The following ITGA1 variants were observed in gnomAD, a reference collection of about 807,000 sequenced individuals.
ITGA1 encodes the protein integrin alpha-1.
A neutral mutation model predicts 145.9 loss-of-function variants in ITGA1; 85 were observed. The ratio of observed to expected loss-of-function variants is 0.58; its 90% CI spans 0.49 to 0.70. The LOEUF (loss-of-function observed/expected upper bound fraction) is 0.70. Ranked by LOEUF, ITGA1 falls within the 30% of genes least tolerant of loss-of-function variation. The pLI, the probability that ITGA1 is intolerant of heterozygous loss-of-function variation, is 0.00. For synonymous variants in ITGA1, 520 were observed against 495.3 expected (o/e 1.05, Z -0.66); for missense variants, 1,351 against 1,418.7 (o/e 0.95, Z 0.77).
intron 6 of ITGA1, among the ~76,000 whole-genome samples, chr5:52,872,826 G>A (rs965670203): frequency 6.6e-6 from 1 of 151,944 alleles, no homozygotes; most frequent in Non-Finnish European, 1.5e-5. Flanking sequence ...CACTTTCTCT[G>A]TAATTTTCTA....
At chr5:52,907,030 A>G (rs1750420705) in intron 12 of ITGA1, among the ~76,000 whole-genome samples, 1 of 152,222 alleles carries the variant, frequency 6.6e-6, no homozygotes, top group Non-Finnish European at 1.5e-5. Flanking sequence ...CATCTTCATC[A>G]GGTACTTATA....
intron 2 of ITGA1, among the ~76,000 whole-genome samples, chr5:52,853,111 G>A (rs530588580): frequency 2.4e-4 from 37 of 152,216 alleles, no homozygotes; most frequent in African/African-American, 7.2e-4. Context: ...TAAATCTCAC[G>A]TTGACATTTA....
chr5:52,808,637 C>CTATGGTATAA (rs766317415), intron 1 of ITGA1, among the ~76,000 whole-genome samples: 114 of 138,068 alleles, frequency 8.3e-4, no homozygotes, highest in Non-Finnish European at 1.2e-3. Context: ...GTGTTGTTGA[C>CTATGGTATAA]TATGGTATAA....
chr5:52,836,059 C>T (rs771412423), intron 1 of ITGA1, among the ~76,000 whole-genome samples: 22 of 152,228 alleles, frequency 1.4e-4, no homozygotes, highest in Non-Finnish European at 1.8e-4. Context: ...CTAAATTGGG[C>T]GATGACCTAT....
chr5:52,890,947 A>G (rs1750137133), intron 8 of ITGA1, among the ~76,000 whole-genome samples: 1 of 152,162 alleles, frequency 6.6e-6, no homozygotes, highest in South Asian at 2.1e-4. Context: ...CCACATTTTC[A>G]GCTCACACAT....
At chr5:52,829,649 A>G (rs1391225083) in intron 1 of ITGA1, among the ~76,000 whole-genome samples, 1 of 152,150 alleles carries the variant, frequency 6.6e-6, no homozygotes, top group Non-Finnish European at 1.5e-5. Flanking sequence ...GAGGAAGCTA[A>G]TGAAAACAGT....
chr5:52,833,461 C>T (rs1420077411), intron 1 of ITGA1, among the ~76,000 whole-genome samples: 1 of 152,134 alleles, frequency 6.6e-6, no homozygotes, highest in African/African-American at 2.4e-5. Context: ...TTCCATAAAA[C>T]ATTATGACAA....
At chr5:52,801,260 G>A in intron 1 of ITGA1, 1 of 1,151,060 alleles carries the variant, frequency 8.7e-7, no homozygotes, top group South Asian at 1.6e-5. Context: ...GAAATAAAAA[G>A]AGAATGTTAA....
chr5:52,800,503 G>C, intron 1 of ITGA1: 1 of 1,614,086 alleles, frequency 6.2e-7, no homozygotes, highest in Non-Finnish European at 8.5e-7. Context: ...GCAGGTGGGC[G>C]ACAGCCTGCG....
At chr5:52,941,878 T>TCTCTGGACA (rs1466666595) in intron 26 of ITGA1, among the ~76,000 whole-genome samples, 1 of 152,222 alleles carries the variant, frequency 6.6e-6, no homozygotes, top group Non-Finnish European at 1.5e-5. Flanking sequence ...GGGTATTTCC[T>TCTCTGGACA]AGGTTTTCTT....
chr5:52,804,384 A>G (rs903935693), intron 1 of ITGA1, among the ~76,000 whole-genome samples: 1 of 152,184 alleles, frequency 6.6e-6, no homozygotes, highest in African/African-American at 2.4e-5. Context: ...TACATATCAA[A>G]TGACAGCTAC....
At chr5:52,947,909 A>G (rs1751159930) in intron 28 of ITGA1, among the ~76,000 whole-genome samples, 1 of 152,182 alleles carries the variant, frequency 6.6e-6, no homozygotes, top group African/African-American at 2.4e-5. Flanking sequence ...TCACATCTCC[A>G]TGTGTCTTAA....
chr5:52,849,601 A>G, intron 2 of ITGA1, 116 bp downstream of exon 2: 1 of 965,344 alleles, frequency 1.0e-6, no homozygotes. Flanking sequence ...TATTTATGGT[A>G]GAAAATGCAG....
intron 27 of ITGA1, among the ~76,000 whole-genome samples, chr5:52,946,351 T>C (rs949059922): frequency 2.6e-5 from 4 of 152,254 alleles, no homozygotes; most frequent in East Asian, 3.9e-4. Context: ...CTGGGCAAAA[T>C]AGTGAAACCC....
At chr5:52,800,046 G>C in intron 1 of ITGA1, 1 of 312,800 alleles carries the variant, frequency 3.2e-6, no homozygotes, top group Non-Finnish European at 6.1e-6. Flanking sequence ...CTCCTTTGGG[G>C]ACGGGAGACG....
intron 14 of ITGA1, among the ~76,000 whole-genome samples, chr5:52,911,111 GTATA>G (rs1289745428): frequency 7.6e-6 from 1 of 131,760 alleles, no homozygotes; most frequent in East Asian, 2.1e-4. Flanking sequence ...TGTATATATA[GTATA>G]TAGTGTATAT....
At chr5:52,837,946 T>C (rs1749186602) in intron 1 of ITGA1, among the ~76,000 whole-genome samples, 2 of 152,232 alleles carry the variant, frequency 1.3e-5, no homozygotes, top group Admixed American at 1.3e-4. Flanking sequence ...CCTTCTGAAA[T>C]ATTTCAACAT....
At chr5:52,846,873 C>A (rs556440007) in intron 1 of ITGA1, among the ~76,000 whole-genome samples, 1 of 151,582 alleles carries the variant, frequency 6.6e-6, no homozygotes, top group Admixed American at 6.6e-5. Flanking sequence ...TTGAAAATTT[C>A]TATCTCCATA....
rs1444288736 is a variant in ITGA1 at position 52,887,667 on chromosome 5, C to T, written c.774-148C>T. On this transcript the variant is annotated intron_variant, in intron 7 of 28. Coordinates refer to ENST00000282588, the MANE Select transcript of ITGA1 (RefSeq NM_181501.2). ...ACTATTACAAACAAGGCTCATTATG[C>T]CTCCCAACTTGAATGATGGGCATTG... is the stretch of plus-strand genomic sequence containing the variant. 7 of 626,284 alleles carry T rather than the reference C, an allele frequency of 1.1e-5. No individual in the cohort carries two copies. The East Asian group carries it at 2.0e-4, about 18-fold the overall frequency. The allele number at this position is 626,284 out of a possible 1,614,324, so 38.8% of individuals were successfully genotyped here. A position where few individuals can be genotyped will look rare whatever the true frequency, so the allele number is the denominator to read the frequency against.
Sources: allele counts gnomAD v4.1 joint callset (sites outside exome capture counted in the v4.1 genomes callset), GRCh38; gene constraint gnomAD v4.1.1; transcripts MANE v1.5; gene names NCBI Gene and HGNC (gene_info 2026-07-23, HGNC 2026-07-21).